The following MYO1D variants were observed in gnomAD, a reference collection of about 807,000 sequenced individuals.
MYO1D encodes the protein myosin ID.
A neutral mutation model predicts 122.0 loss-of-function variants in MYO1D; 83 were observed. The ratio of observed to expected loss-of-function variants is 0.68; its 90% CI spans 0.57 to 0.82. The LOEUF (loss-of-function observed/expected upper bound fraction) is 0.82, where lower values mean the gene tolerates loss of function less well. Ranked by LOEUF, MYO1D falls within the 40% of genes least tolerant of loss-of-function variation. The probability of loss-of-function intolerance (pLI) is 0.00; values close to 1 mark genes in which losing one functional copy is unlikely to be tolerated. For missense variants in MYO1D, 1,157 were observed against 1,269.5 expected (o/e 0.91, Z 1.35); for synonymous variants, 464 against 446.9 (o/e 1.04, Z -0.48).
In MYO1D at chr17:32,787,883, A is replaced by G. The variant is rs34713727; in HGVS notation, c.96-7099T>C. Among the ~76,000 whole-genome samples the G allele has an allele frequency of 9.2e-5, 14 of 152,370 alleles. No individual in the cohort carries two copies. In the East Asian group the frequency reaches 2.5e-3, roughly 27 times the overall value. Reference sequence around the variant, plus strand: ...ATTCCTGAGTTACTTCACTTAGAATAATGGCCTCCAGCTCCATTCAAGTTG... The same window carrying G: ...ATTCCTGAGTTACTTCACTTAGAATGATGGCCTCCAGCTCCATTCAAGTTG... On this transcript the variant is annotated intron_variant, in intron 1 of 21. Coordinates refer to ENST00000318217, the MANE Select transcript of MYO1D (RefSeq NM_015194.3).
chr17:32,522,306 C>T (rs56292471), intron 21 of MYO1D, among the ~76,000 whole-genome samples: 9,587 of 152,162 alleles, frequency 0.063, 371 homozygotes, highest in Middle Eastern at 0.12. Context: ...GATGCTGTGG[C>T]CTAATGCTGA....
At chr17:32,691,904 G>A (rs1326260196) in intron 16 of MYO1D, among the ~76,000 whole-genome samples, 1 of 152,104 alleles carries the variant, frequency 6.6e-6, no homozygotes, top group Non-Finnish European at 1.5e-5. Context: ...GCAACACTGT[G>A]TATGATATTT....
At chr17:32,528,237 G>T (rs1467595239) in intron 21 of MYO1D, among the ~76,000 whole-genome samples, 2 of 152,198 alleles carry the variant, frequency 1.3e-5, no homozygotes, top group Non-Finnish European at 2.9e-5. Context: ...GGGGAAGAAG[G>T]TATCCAGTAC....
intron 14 of MYO1D, among the ~76,000 whole-genome samples, chr17:32,737,996 A>T (rs962340436): frequency 6.6e-6 from 1 of 152,228 alleles, no homozygotes; most frequent in Non-Finnish European, 1.5e-5. Flanking sequence ...TTTCAAATCC[A>T]AGATTTTTCC....
intron 20 of MYO1D, among the ~76,000 whole-genome samples, chr17:32,626,462 C>T (rs759863186): frequency 3.1e-4 from 47 of 152,248 alleles, no homozygotes; most frequent in African/African-American, 7.5e-4. Flanking sequence ...TCTTTAACAA[C>T]GTTAAATTGG....
chr17:32,844,345 T>TATGTGTATATATATTATATATAGTA (rs2090914445), intron 1 of MYO1D, among the ~76,000 whole-genome samples: 1 of 144,770 alleles, frequency 6.9e-6, no homozygotes, highest in African/African-American at 2.6e-5. Flanking sequence ...TATGTATATA[T>TATGTGTATATATATTATATATAGTA]TATATGTGTA....
intron 16 of MYO1D, among the ~76,000 whole-genome samples, chr17:32,679,319 C>G (rs1179847947): frequency 6.6e-6 from 1 of 151,898 alleles, no homozygotes; most frequent in African/African-American, 2.4e-5. Flanking sequence ...GTGTTTTGTA[C>G]ATGAAGTCCT....
At chr17:32,494,989 G>C in intron 21 of MYO1D, 74 bp from the exon 22 acceptor site, 2 of 1,454,262 alleles carry the variant, frequency 1.4e-6, no homozygotes, top group Non-Finnish European at 1.9e-6. Flanking sequence ...GGCAGCTCCC[G>C]GCCACCATTG....
intron 11 of MYO1D, 78 bp from the exon 12 acceptor site, chr17:32,749,084 A>T (rs902364593): frequency 8.0e-7 from 1 of 1,248,074 alleles, no homozygotes; most frequent in African/African-American, 1.5e-5. Context: ...TTAATATGAA[A>T]TGATGATAAT....
chr17:32,626,277 T>C (rs1312504033), intron 20 of MYO1D, among the ~76,000 whole-genome samples: 1 of 152,370 alleles, frequency 6.6e-6, no homozygotes, highest in East Asian at 1.9e-4. Context: ...AAGCCTATTA[T>C]TGCCGCAGCT....
chr17:32,723,214 G>A (rs2089532842), intron 14 of MYO1D, among the ~76,000 whole-genome samples: 1 of 152,076 alleles, frequency 6.6e-6, no homozygotes, highest in Admixed American at 6.6e-5. Context: ...GGGGGTCATG[G>A]GAATCCTCAA....
intron 21 of MYO1D, among the ~76,000 whole-genome samples, chr17:32,537,154 C>A (rs540916506): frequency 6.6e-6 from 1 of 152,120 alleles, no homozygotes; most frequent in East Asian, 1.9e-4. Flanking sequence ...TTTTCAGTCC[C>A]GTGTGGCCCA....
At chr17:32,560,627 C>CT (rs200651027) in intron 21 of MYO1D, among the ~76,000 whole-genome samples, 34 of 127,622 alleles carry the variant, frequency 2.7e-4, no homozygotes, top group East Asian at 1.2e-3. Context: ...GCCGGTGAAT[C>CT]TTTTTTTTTT....
intron 1 of MYO1D, among the ~76,000 whole-genome samples, chr17:32,825,047 AAAGT>A (rs2090708805): frequency 6.6e-6 from 1 of 152,236 alleles, no homozygotes; most frequent in Non-Finnish European, 1.5e-5. Flanking sequence ...TAAGGATAAA[AAAGT>A]AAGCTAAATT....
intron 19 of MYO1D, among the ~76,000 whole-genome samples, chr17:32,640,557 T>C (rs891983267): frequency 2.8e-4 from 40 of 141,068 alleles, no homozygotes; most frequent in Non-Finnish European, 5.6e-4. Flanking sequence ...TTCCCACCTA[T>C]GAGTGAGAAT....
intron 19 of MYO1D, among the ~76,000 whole-genome samples, chr17:32,650,937 T>C (rs2088379602): frequency 1.3e-5 from 2 of 152,234 alleles, no homozygotes; most frequent in South Asian, 4.1e-4. Flanking sequence ...TTTGTATGCT[T>C]GGAAACTTTT....
At chr17:32,563,721 C>T (rs1305760663) in intron 21 of MYO1D, among the ~76,000 whole-genome samples, 2 of 152,212 alleles carry the variant, frequency 1.3e-5, no homozygotes, top group African/African-American at 4.8e-5. Flanking sequence ...CAACAGTACA[C>T]TGAGTTCTAC....
At chr17:32,676,095 T>A (rs2088805229) in intron 16 of MYO1D, among the ~76,000 whole-genome samples, 2 of 152,164 alleles carry the variant, frequency 1.3e-5, no homozygotes, top group South Asian at 4.1e-4. Flanking sequence ...TTTAGTAGTA[T>A]CCTTGTACAT....
chr17:32,635,453 C>G (rs141446568), intron 20 of MYO1D, among the ~76,000 whole-genome samples: 1 of 152,124 alleles, frequency 6.6e-6, no homozygotes, highest in African/African-American at 2.4e-5. Flanking sequence ...GTAATCCCAG[C>G]GCTTTGAGAG....
Sources: allele counts gnomAD v4.1 joint callset (sites outside exome capture counted in the v4.1 genomes callset), GRCh38; gene constraint gnomAD v4.1.1; transcripts MANE v1.5; gene names NCBI Gene and HGNC (gene_info 2026-07-23, HGNC 2026-07-21).